Variants in HNRNPM observed in about 807,000 individuals in gnomAD.
HNRNPM encodes the protein heterogeneous nuclear ribonucleoprotein M, also known as CEA receptor.
Under a neutral mutation model 73.1 loss-of-function variants are expected in HNRNPM, and 11 were observed. That is an observed-to-expected ratio of 0.15 (90% CI 0.09 to 0.25). The LOEUF (loss-of-function observed/expected upper bound fraction) is 0.25. Among genes scored for constraint, HNRNPM ranks in the 10% least tolerant of loss-of-function variants. The pLI is 1.00. For synonymous variants in HNRNPM, 407 were observed against 355.2 expected (o/e 1.15, Z -1.64); for missense variants, 789 against 1,067.9 (o/e 0.74, Z 3.64).
intron 12 of HNRNPM, among the ~76,000 whole-genome samples, chr19:8,475,576 CA>C (rs528505668): frequency 6.6e-6 from 1 of 152,188 alleles, no homozygotes; most frequent in Non-Finnish European, 1.5e-5. Context: ...AGCAGTGGGG[CA>C]TGATGTGTGT....
chr19:8,455,632 C>G, intron 2 of HNRNPM, 58 bp downstream of exon 2: 2 of 1,437,014 alleles, frequency 1.4e-6, no homozygotes, highest in South Asian at 2.4e-5. Context: ...TTTTCTGTGG[C>G]TAATTCCTTG....
At chr19:8,454,772 G>GA (rs1453260979) in intron 1 of HNRNPM, among the ~76,000 whole-genome samples, 2 of 142,470 alleles carry the variant, frequency 1.4e-5, no homozygotes, top group African/African-American at 2.6e-5. Context: ...TCCATTCTAT[G>GA]AAGTCTTAGA....
intron 5 of HNRNPM, among the ~76,000 whole-genome samples, chr19:8,464,936 C>T (rs1041853559): frequency 2.0e-5 from 3 of 152,082 alleles, no homozygotes; most frequent in Non-Finnish European, 4.4e-5. Flanking sequence ...AAGCCATTGA[C>T]GGGGTTTGCA....
intron 2 of HNRNPM, among the ~76,000 whole-genome samples, chr19:8,456,759 C>T (rs1956353857): frequency 6.6e-6 from 1 of 152,200 alleles, no homozygotes; most frequent in Non-Finnish European, 1.5e-5. Context: ...TCCGTACAGT[C>T]ACGCGTGCTG....
chr19:8,471,449 G>A, intron 10 of HNRNPM, 22 bp downstream of exon 10: 1 of 1,452,514 alleles, frequency 6.9e-7, no homozygotes, highest in South Asian at 1.2e-5. Flanking sequence ...AGTGCACCTT[G>A]CTTGGTGGTT....
intron 12 of HNRNPM, among the ~76,000 whole-genome samples, chr19:8,475,042 T>C (rs1231113175): frequency 6.6e-6 from 1 of 152,188 alleles, no homozygotes; most frequent in Non-Finnish European, 1.5e-5. Context: ...AGCAGAAATA[T>C]AATAATATAA....
chr19:8,448,578 C>T (rs775305330), intron 1 of HNRNPM, among the ~76,000 whole-genome samples: 13 of 151,118 alleles, frequency 8.6e-5, no homozygotes, highest in Non-Finnish European at 1.6e-4. Context: ...CCCGGGTTCA[C>T]GCCATTCTCC....
At chr19:8,466,451 A>G in intron 7 of HNRNPM, 63 bp downstream of exon 7, 1 of 1,517,064 alleles carries the variant, frequency 6.6e-7, no homozygotes, top group Non-Finnish European at 9.1e-7. Context: ...TTAGTAATGT[A>G]GGTTTGTGTG....
At chr19:8,461,699 A>G (rs1279630718) in intron 2 of HNRNPM, among the ~76,000 whole-genome samples, 1 of 152,174 alleles carries the variant, frequency 6.6e-6, no homozygotes, top group African/African-American at 2.4e-5. Flanking sequence ...TAGATACAAA[A>G]TCTGAGCCCT....
chr19:8,463,936 G>A, intron 5 of HNRNPM: 1 of 451,028 alleles, frequency 2.2e-6, no homozygotes, highest in East Asian at 3.8e-5. Flanking sequence ...AGGCCTTGTT[G>A]TCTCAGGGAC....
intron 5 of HNRNPM, 48 bp from the exon 6 acceptor site, chr19:8,465,276 G>A (rs754404881): frequency 1.4e-6 from 2 of 1,414,272 alleles, no homozygotes; most frequent in South Asian, 1.3e-5. Context: ...AGCATGGTTT[G>A]CGTTGTACTG....
chr19:8,463,255 G>A (rs970968474), intron 3 of HNRNPM, among the ~76,000 whole-genome samples: 2 of 152,120 alleles, frequency 1.3e-5, no homozygotes, highest in African/African-American at 4.8e-5. Flanking sequence ...AATGTCAGCA[G>A]CTCTAGTGCA....
intron 1 of HNRNPM, among the ~76,000 whole-genome samples, chr19:8,451,666 C>T (rs774440665): frequency 1.1e-3 from 160 of 151,996 alleles, no homozygotes; most frequent in Admixed American, 2.6e-4. Flanking sequence ...TAGCTGGGAC[C>T]GCAGTTGTGC....
chr19:8,485,326 A>G (rs1971199086), intron 13 of HNRNPM, among the ~76,000 whole-genome samples: 1 of 152,198 alleles, frequency 6.6e-6, no homozygotes, highest in African/African-American at 2.4e-5. Context: ...AGCTTGTCAC[A>G]GACACTAGCA....
intron 9 of HNRNPM, 90 bp downstream of exon 9, chr19:8,468,924 C>CA: frequency 6.9e-6 from 7 of 1,018,782 alleles, no homozygotes; most frequent in East Asian, 2.4e-5. Flanking sequence ...TGAACCTGTG[C>CA]CAGGTTAGCC....
rs1326987556 is a variant in HNRNPM, at chr19:8,485,851, A to C, written c.1423A>C (p.Thr475Pro). The C allele has an allele frequency of 6.2e-7, 1 of 1,601,660 alleles. No homozygotes were observed. Among genetic ancestry groups the C allele is most frequent in the Non-Finnish European group, 8.5e-7 (1 of 1,179,100 alleles). ...CTCCAGCATTGAGCGCATGGGCCAG[A>C]CCATGGAGCGCATTGGCTCTGGCGT... ...MASSIERMGQTMERIGSGVER... is the reference protein window; with the variant it reads ...MASSIERMGQPMERIGSGVER... Residue 475 changes from threonine (T) to proline (P), a missense_variant, in exon 14 of 16, where the codon ACC becomes CCC. By Grantham distance (38) the Thr-to-Pro change is conservative. Transcript: ENST00000325495.
At chr19:8,474,774 G>T (rs1459005696) in intron 12 of HNRNPM, among the ~76,000 whole-genome samples, 1 of 149,390 alleles carries the variant, frequency 6.7e-6, no homozygotes, top group Non-Finnish European at 1.5e-5. Context: ...GAGTGCAATG[G>T]TGCGATCTTG....
At chr19:8,467,655 A>C in intron 8 of HNRNPM, 71 bp downstream of exon 8, 2 of 1,057,604 alleles carry the variant, frequency 1.9e-6, no homozygotes, top group Non-Finnish European at 3.0e-6. Context: ...AAGAGTGTAC[A>C]TATAGCCACT....
Position 8,480,518 on chromosome 19 carries a change from T to G in HNRNPM, c.1121-2640T>G, listed in dbSNP as rs545336922. On this transcript the variant is annotated intron_variant, in intron 12 of 15. Coordinates refer to ENST00000325495, the MANE Select transcript of HNRNPM (RefSeq NM_005968.5). ...CGTCTCTACTACAAACACAAAAAAT[T>G]TAGCCGGGCGTGGTGGTGCATGCTG... Among the ~76,000 whole-genome samples the G allele has an allele frequency of 2.0e-5, 3 of 150,886 alleles. No individual in the cohort carries two copies. The East Asian group carries it at 5.9e-4, about 30-fold the overall frequency.
Sources: gnomAD v4.1 joint callset for allele counts (sites outside exome capture counted in the v4.1 genomes callset) on GRCh38, gnomAD v4.1.1 for gene constraint, MANE v1.5 for transcripts, NCBI Gene and HGNC (gene_info 2026-07-23, HGNC 2026-07-21) for gene names.